The following SHISA9 variants were observed in gnomAD, a reference collection of about 807,000 sequenced individuals.
The protein encoded by SHISA9 is shisa family member 9.
SHISA9 carries 13 observed loss-of-function variants against 38.0 expected under a neutral mutation model. The observed-to-expected ratio is 0.34, with a 90% CI of 0.22 to 0.54. The LOEUF (loss-of-function observed/expected upper bound fraction) is 0.54, where lower values mean the gene tolerates loss of function less well. Ranked by LOEUF, SHISA9 falls within the 20% of genes least tolerant of loss-of-function variation. The pLI is 0.91. For synonymous variants in SHISA9, 275 were observed against 242.0 expected (o/e 1.14, Z -1.27); for missense variants, 538 against 575.8 (o/e 0.93, Z 0.67).
At chr16:13,138,507 G>A (rs1293949698) in intron 2 of SHISA9, among the ~76,000 whole-genome samples, 3 of 152,176 alleles carry the variant, frequency 2.0e-5, no homozygotes, top group African/African-American at 4.8e-5. Flanking sequence ...CTGGCATATA[G>A]GAGATTCTCA....
At chr16:13,202,099 C>A (rs1467781665) in intron 2 of SHISA9, among the ~76,000 whole-genome samples, 1 of 116,192 alleles carries the variant, frequency 8.6e-6, no homozygotes, top group Admixed American at 8.5e-5. Context: ...CGCCTCCTGT[C>A]TATCCATCCC....
chr16:13,049,629 T>C (rs2073228066), intron 2 of SHISA9, among the ~76,000 whole-genome samples: 1 of 152,152 alleles, frequency 6.6e-6, no homozygotes, highest in Non-Finnish European at 1.5e-5. Context: ...ATTTTTTTTC[T>C]CTATCCATAA....
At chr16:13,367,704 G>GCA in the SHISA9 span, among the ~76,000 whole-genome samples, 2 of 115,130 alleles carry the variant, frequency 1.7e-5, no homozygotes, top group South Asian at 3.1e-4. Context: ...GCGTGCGCGC[G>GCA]CGCGCGCGCA....
intron 2 of SHISA9, among the ~76,000 whole-genome samples, chr16:12,923,410 C>T (rs938507469): frequency 6.6e-6 from 1 of 152,098 alleles, no homozygotes; most frequent in African/African-American, 2.4e-5. Context: ...TGCCTGTAAT[C>T]CCAGCTACTT....
chr16:12,991,183 C>T (rs1192502826), intron 2 of SHISA9, among the ~76,000 whole-genome samples: 1 of 152,140 alleles, frequency 6.6e-6, no homozygotes, highest in Non-Finnish European at 1.5e-5. Flanking sequence ...ATTATTAGTT[C>T]ATGCCCCTCA....
intron 2 of SHISA9, among the ~76,000 whole-genome samples, chr16:13,041,242 TTC>T (rs954490847): frequency 4.6e-5 from 7 of 152,208 alleles, no homozygotes; most frequent in Non-Finnish European, 8.8e-5. Flanking sequence ...CCTCAATGTT[TTC>T]TCTCTGGGAA....
chr16:13,363,582 G>A, the SHISA9 span, among the ~76,000 whole-genome samples: 108,063 of 151,976 alleles, frequency 0.71, 38,478 homozygotes, highest in East Asian at 0.78. Flanking sequence ...AGAAGTGGAG[G>A]TGCAGAAGAG....
intron 2 of SHISA9, among the ~76,000 whole-genome samples, chr16:12,921,856 A>G (rs546546227): frequency 1.3e-5 from 2 of 152,244 alleles, no homozygotes. Flanking sequence ...ACAGTAAAAA[A>G]TATGTAAGAT....
chr16:13,394,099 G>A, the SHISA9 span, among the ~76,000 whole-genome samples: 2 of 152,194 alleles, frequency 1.3e-5, no homozygotes, highest in Non-Finnish European at 2.9e-5. Context: ...CCCAGCTGAG[G>A]CTGTAAGAAG....
chr16:13,295,501 G>T, the SHISA9 span, among the ~76,000 whole-genome samples: 1 of 152,140 alleles, frequency 6.6e-6, no homozygotes, highest in Non-Finnish European at 1.5e-5. Flanking sequence ...AGGGTATCAG[G>T]TAGGCACTGC....
intron 2 of SHISA9, among the ~76,000 whole-genome samples, chr16:13,044,636 A>G (rs907067577): frequency 6.6e-6 from 1 of 152,214 alleles, no homozygotes; most frequent in Non-Finnish European, 1.5e-5. Flanking sequence ...TAGTAAGGAC[A>G]GATGAGGAGG....
the SHISA9 span, among the ~76,000 whole-genome samples, chr16:13,533,465 A>G: frequency 6.6e-6 from 1 of 152,120 alleles, no homozygotes. Flanking sequence ...TTTTTCCAAG[A>G]TGACTACTTG....
At chr16:13,481,829 ATGAAAT>A in the SHISA9 span, among the ~76,000 whole-genome samples, 21 of 152,370 alleles carry the variant, frequency 1.4e-4, no homozygotes, top group Non-Finnish European at 2.1e-4. Context: ...CCAAATTTCT[ATGAAAT>A]TGAATTTCAA....
chr16:13,210,411 T>C (rs1177528915), intron 3 of SHISA9, among the ~76,000 whole-genome samples: 3 of 152,308 alleles, frequency 2.0e-5, no homozygotes, highest in East Asian at 3.9e-4. Flanking sequence ...GATAAAATGC[T>C]GCGTCACTTC....
At chr16:13,003,417 C>G (rs1471570178) in intron 2 of SHISA9, among the ~76,000 whole-genome samples, 1 of 152,180 alleles carries the variant, frequency 6.6e-6, no homozygotes. Flanking sequence ...CGCTGGGATT[C>G]CAAACTTTTC....
At chr16:13,424,805 G>C in the SHISA9 span, among the ~76,000 whole-genome samples, 28 of 152,220 alleles carry the variant, frequency 1.8e-4, no homozygotes, top group Non-Finnish European at 4.0e-4. Flanking sequence ...ACCAGAATCA[G>C]CCTTTGATTG....
chr16:13,039,411 G>A (rs998229616), intron 2 of SHISA9, among the ~76,000 whole-genome samples: 12 of 151,542 alleles, frequency 7.9e-5, no homozygotes, highest in Non-Finnish European at 1.0e-4. Flanking sequence ...CCACTTCCAG[G>A]TCTTTCCATG....
chr16:13,296,852 T>G, the SHISA9 span, among the ~76,000 whole-genome samples: 1 of 122,344 alleles, frequency 8.2e-6, no homozygotes, highest in Non-Finnish European at 1.6e-5. Flanking sequence ...GAGCATGCCC[T>G]TGCACTTCAG....
At chr16:13,491,817 C>CTTTTTTTT in the SHISA9 span, among the ~76,000 whole-genome samples, 6 of 46,892 alleles carry the variant, frequency 1.3e-4, no homozygotes, top group Non-Finnish European at 1.2e-4. Flanking sequence ...TATTTATTGA[C>CTTTTTTTT]CTTTTTTTTT....
Sources: gnomAD v4.1 joint callset for allele counts (sites outside exome capture counted in the v4.1 genomes callset) on GRCh38, gnomAD v4.1.1 for gene constraint, MANE v1.5 for transcripts, NCBI Gene and HGNC (gene_info 2026-07-23, HGNC 2026-07-21) for gene names.